STK33: variants seen among roughly 807,000 people sequenced by gnomAD.
STK33 encodes serine/threonine-protein kinase 33.
Under a neutral mutation model 58.0 loss-of-function variants are expected in STK33, and 52 were observed. The observed-to-expected ratio is 0.90, with a 90% CI of 0.72 to 1.13. The LOEUF (loss-of-function observed/expected upper bound fraction) is 1.13, where lower values mean the gene tolerates loss of function less well. STK33 is among the 50% of genes most tolerant of loss of function. The pLI, the probability that STK33 is intolerant of heterozygous loss-of-function variation, is 0.00. For missense variants in STK33, 630 were observed against 604.2 expected (o/e 1.04, Z -0.45); for synonymous variants, 215 against 200.1 (o/e 1.07, Z -0.63).
At chr11:8,462,100 G>A (rs1177764809) in intron 7 of STK33, among the ~76,000 whole-genome samples, 191 bp from the exon 8 acceptor site, 3 of 151,780 alleles carry the variant, frequency 2.0e-5, no homozygotes, top group Admixed American at 6.6e-5. Context: ...ATTAAATTAT[G>A]CCCCTTCTTT....
the STK33 span, among the ~76,000 whole-genome samples, chr11:8,342,738 A>G: frequency 1.3e-5 from 2 of 152,268 alleles, no homozygotes; most frequent in African/African-American, 2.4e-5. Flanking sequence ...GACTTGCCCA[A>G]GGTCACACAG....
intron 2 of STK33, among the ~76,000 whole-genome samples, chr11:8,478,849 A>C (rs1949531112): frequency 6.6e-6 from 1 of 152,064 alleles, no homozygotes; most frequent in Non-Finnish European, 1.5e-5. Flanking sequence ...GGGCCCAGTG[A>C]GTTTTCTAGA....
chr11:8,528,942 C>T (rs1287030336), intron 1 of STK33, among the ~76,000 whole-genome samples: 1 of 152,146 alleles, frequency 6.6e-6, no homozygotes, highest in Non-Finnish European at 1.5e-5. Context: ...CTTTACAATA[C>T]CACTATGTGA....
At chr11:8,448,944 C>G (rs1414483778) in intron 11 of STK33, among the ~76,000 whole-genome samples, 1 of 151,492 alleles carries the variant, frequency 6.6e-6, no homozygotes, top group Non-Finnish European at 1.5e-5. Flanking sequence ...CAAGAAAAAA[C>G]AAACAACCCC....
At chr11:8,480,851 C>T (rs1416829308) in intron 1 of STK33, among the ~76,000 whole-genome samples, 1 of 152,160 alleles carries the variant, frequency 6.6e-6, no homozygotes, top group Admixed American at 6.5e-5. Flanking sequence ...ATAGTCTCCT[C>T]ATACTCAGGA....
intron 1 of STK33, among the ~76,000 whole-genome samples, chr11:8,520,685 T>A (rs986101917): frequency 7.2e-5 from 11 of 151,860 alleles, no homozygotes; most frequent in Admixed American, 3.9e-4. Flanking sequence ...TCACAAGGAT[T>A]CCTATATACC....
At chr11:8,447,656 T>C (rs945766129) in intron 11 of STK33, among the ~76,000 whole-genome samples, 14 of 152,300 alleles carry the variant, frequency 9.2e-5, no homozygotes, top group Non-Finnish European at 1.9e-4. Context: ...AAGAGCTATC[T>C]ATGACAAACC....
chr11:8,368,600 G>A, the STK33 span, among the ~76,000 whole-genome samples: 2 of 152,116 alleles, frequency 1.3e-5, no homozygotes, highest in African/African-American at 4.8e-5. Flanking sequence ...ATTTCCGGGT[G>A]TTTATAGATT....
chr11:8,359,586 C>T, the STK33 span, among the ~76,000 whole-genome samples: 592 of 152,288 alleles, frequency 3.9e-3, 2 homozygotes, highest in African/African-American at 0.014. Context: ...CATAGGCCTG[C>T]GCGCCTCCTC....
the STK33 span, among the ~76,000 whole-genome samples, chr11:8,378,485 T>G: frequency 6.6e-6 from 1 of 152,090 alleles, no homozygotes; most frequent in Non-Finnish European, 1.5e-5. Flanking sequence ...ACCATTGCAC[T>G]CCAGCCTGGG....
intron 1 of STK33, among the ~76,000 whole-genome samples, chr11:8,534,566 CTCTGTGTGTGTG>C (rs1405865710): frequency 0.083 from 8,747 of 105,752 alleles, 268 homozygotes; most frequent in Admixed American, 0.11. Flanking sequence ...CTCTCTCTCT[CTCTGTGTGTGTG>C]TGTGTGTGTG....
chr11:8,485,302 C>A (rs575824640), intron 1 of STK33, among the ~76,000 whole-genome samples: 70 of 152,244 alleles, frequency 4.6e-4, no homozygotes, highest in African/African-American at 1.7e-3. Context: ...ATTCTCTTTT[C>A]ATGTATTAGT....
chr11:8,501,905 T>C (rs978801294), intron 1 of STK33, among the ~76,000 whole-genome samples: 2 of 152,084 alleles, frequency 1.3e-5, no homozygotes, highest in African/African-American at 4.8e-5. Context: ...ACCTTGAAAA[T>C]ATTCTGCTAA....
At position 8,514,520 on chromosome 11, in the gene STK33, G is replaced by C. The variant is rs570153882; in HGVS notation, c.-465-33906C>G. Among the ~76,000 whole-genome samples, 4 of 152,216 alleles carry C rather than the reference G, an allele frequency of 2.6e-5. No individual in the cohort carries two copies. The South Asian group carries it at 6.2e-4, about 24-fold the overall frequency. On this transcript the variant is annotated intron_variant, in intron 1 of 15. Coordinates refer to ENST00000687296, the MANE Select transcript of STK33 (RefSeq NM_001352389.2). ...GTGGGATGTTACTGATAGCCTCCAG[G>C]GATCATGCGGATAAGAAATACAGTC... is the stretch of plus-strand genomic sequence containing the variant.
chr11:8,558,741 T>C lies in STK33; in HGVS notation c.-466+35342A>G, dbSNP rs375034749. On this transcript the variant is annotated intron_variant, in intron 1 of 15. Transcript: ENST00000687296. ...CTCGGTTCAACTATGTGCTGTATTC[T>C]GTGTTCACCTGGTGTTTCTTGCTGA... Among the ~76,000 whole-genome samples the C allele has an allele frequency of 2.1e-3, 322 of 152,350 alleles. 2 individuals carry two copies. The highest frequency in any genetic ancestry group is 7.4e-3 in the African/African-American group (307 of 41,580).
At chr11:8,505,460 T>C (rs541041313) in intron 1 of STK33, among the ~76,000 whole-genome samples, 2 of 152,308 alleles carry the variant, frequency 1.3e-5, no homozygotes, top group South Asian at 4.1e-4. Context: ...TCCCTCCACG[T>C]GGGACATTCT....
At chr11:8,399,762 T>C (rs1025678900) in intron 15 of STK33, among the ~76,000 whole-genome samples, 4 of 151,410 alleles carry the variant, frequency 2.6e-5, no homozygotes, top group African/African-American at 9.7e-5. Context: ...ATCAAATAGA[T>C]GCAACAAAAA....
At chr11:8,466,051 C>T (rs1236143100) in intron 6 of STK33, 1 of 152,118 alleles carries the variant, frequency 6.6e-6, no homozygotes, top group Non-Finnish European at 1.5e-5. Flanking sequence ...AAGACCCACC[C>T]TTCTGATTCA....
chr11:8,377,679 G>A, the STK33 span, among the ~76,000 whole-genome samples: 42 of 152,250 alleles, frequency 2.8e-4, no homozygotes, highest in Admixed American at 2.5e-3. Flanking sequence ...AACTACAGCT[G>A]TTTACCAATT....
Sources: gnomAD v4.1 joint callset for allele counts (sites outside exome capture counted in the v4.1 genomes callset) on GRCh38, gnomAD v4.1.1 for gene constraint, MANE v1.5 for transcripts, NCBI Gene and HGNC (gene_info 2026-07-23, HGNC 2026-07-21) for gene names.